The following UNC5D variants were observed in gnomAD, a reference collection of about 807,000 sequenced individuals.
UNC5D encodes the protein netrin receptor UNC5D.
In UNC5D, 39 loss-of-function variants were observed where a neutral mutation model predicts 105.4. The observed-to-expected ratio is 0.37, with a 90% confidence interval of 0.29 to 0.48. The LOEUF is 0.48. Ranked by LOEUF, UNC5D falls within the 20% of genes least tolerant of loss-of-function variation. The probability of loss-of-function intolerance (pLI) is 0.98; values close to 1 mark genes in which losing one functional copy is unlikely to be tolerated. For synonymous variants in UNC5D, 452 were observed against 450.4 expected, an observed-to-expected ratio of 1.00 and a Z score of -0.04; for missense variants, 991 against 1,202.4, an observed-to-expected ratio of 0.82 and a Z score of 2.60.
chr8:35,577,758 A>G (rs1186756800), intron 3 of UNC5D, among the ~76,000 whole-genome samples: 1 of 152,210 alleles, frequency 6.6e-6, no homozygotes, highest in Non-Finnish European at 1.5e-5. Context: ...ATACTTATTA[A>G]TTACAAAGGG....
In UNC5D at chr8:35,784,152, T is replaced by A. The variant is rs147881217; in HGVS notation, c.2658-6207T>A. 1.5e-3 allele frequency among the ~76,000 whole-genome samples: 230 copies of A among 152,238 alleles called. 2 individuals carry two copies. The East Asian group carries it at 0.037, about 25-fold the overall frequency. Reference sequence around the variant, plus strand: ...AAGCCAAGGGATGGTGATAGAGAAGTCTCTGAAAGATAAAATTAATCATGG... The same window carrying A: ...AAGCCAAGGGATGGTGATAGAGAAGACTCTGAAAGATAAAATTAATCATGG... On this transcript the variant is annotated intron_variant, in intron 16 of 16. Transcript: ENST00000404895.
intron 4 of UNC5D, among the ~76,000 whole-genome samples, chr8:35,675,214 C>T (rs1825127982): frequency 6.6e-6 from 1 of 152,156 alleles, no homozygotes; most frequent in South Asian, 2.1e-4. Flanking sequence ...ATGCTCAGCT[C>T]TGGGAACTAA....
intron 1 of UNC5D, among the ~76,000 whole-genome samples, chr8:35,415,089 T>C (rs1398859286): frequency 6.6e-6 from 1 of 152,152 alleles, no homozygotes; most frequent in Non-Finnish European, 1.5e-5. Context: ...TACATAACTA[T>C]ATAAAAACAA....
chr8:35,277,767 T>A (rs1805871357), intron 1 of UNC5D, among the ~76,000 whole-genome samples: 1 of 152,212 alleles, frequency 6.6e-6, no homozygotes. Context: ...AGTACTTCCA[T>A]CTCTTGTTGT....
intron 3 of UNC5D, among the ~76,000 whole-genome samples, chr8:35,578,746 G>A (rs553711401): frequency 4.9e-4 from 74 of 152,226 alleles, no homozygotes; most frequent in Non-Finnish European, 8.8e-4. Context: ...AGAATAACTC[G>A]TATGTAATTG....
intron 4 of UNC5D, among the ~76,000 whole-genome samples, chr8:35,682,961 G>C (rs1269148068): frequency 2.0e-5 from 3 of 152,154 alleles, no homozygotes; most frequent in Non-Finnish European, 4.4e-5. Flanking sequence ...TAACGTAAAT[G>C]ATCACCAAAG....
At chr8:35,406,104 G>C (rs367658222) in intron 1 of UNC5D, among the ~76,000 whole-genome samples, 2 of 152,036 alleles carry the variant, frequency 1.3e-5, no homozygotes, top group Admixed American at 1.3e-4. Flanking sequence ...CATATTTCAG[G>C]CTTGATAGTA....
At chr8:35,627,924 CA>C (rs948566782) in intron 4 of UNC5D, among the ~76,000 whole-genome samples, 7 of 151,988 alleles carry the variant, frequency 4.6e-5, no homozygotes, top group African/African-American at 1.7e-4. Context: ...GAGACTGTCT[CA>C]AAAAAGAAGA....
intron 1 of UNC5D, chr8:35,525,692 C>A (rs1054758237): frequency 1.2e-6 from 2 of 1,605,874 alleles, no homozygotes; most frequent in African/African-American, 2.7e-5. Context: ...CGCCCTGCAG[C>A]CGCTGCTCCT....
intron 1 of UNC5D, among the ~76,000 whole-genome samples, chr8:35,266,356 A>G (rs1804870009): frequency 6.6e-6 from 1 of 152,228 alleles, no homozygotes; most frequent in South Asian, 2.1e-4. Flanking sequence ...TGGACCATAT[A>G]TAGTAAATAC....
intron 1 of UNC5D, among the ~76,000 whole-genome samples, chr8:35,488,887 T>G (rs907609640): frequency 1.3e-5 from 2 of 152,102 alleles, no homozygotes; most frequent in African/African-American, 4.8e-5. Flanking sequence ...CATTTGGAGT[T>G]GATGATGGAA....
chr8:35,316,899 C>A (rs974176830), intron 1 of UNC5D, among the ~76,000 whole-genome samples: 1 of 151,952 alleles, frequency 6.6e-6, no homozygotes, highest in Admixed American at 6.6e-5. Context: ...ATTTAATCGT[C>A]GAAAGCAACC....
chr8:35,299,873 T>G (rs1807794811), intron 1 of UNC5D, among the ~76,000 whole-genome samples: 1 of 152,196 alleles, frequency 6.6e-6, no homozygotes, highest in Non-Finnish European at 1.5e-5. Context: ...GTGAATTGAT[T>G]GCTATTGAAT....
chr8:35,326,264 A>G (rs957066935), intron 1 of UNC5D, among the ~76,000 whole-genome samples: 1 of 152,184 alleles, frequency 6.6e-6, no homozygotes, highest in African/African-American at 2.4e-5. Flanking sequence ...GATCCTGTGA[A>G]TAAGACTGTA....
At chr8:35,534,573 T>C (rs1356005554) in intron 1 of UNC5D, among the ~76,000 whole-genome samples, 1 of 151,524 alleles carries the variant, frequency 6.6e-6, no homozygotes, top group Non-Finnish European at 1.5e-5. Context: ...TGGTTCTACA[T>C]TTACTTCAAG....
intron 1 of UNC5D, among the ~76,000 whole-genome samples, chr8:35,482,226 C>T (rs190831472): frequency 6.6e-6 from 1 of 152,246 alleles, no homozygotes; most frequent in East Asian, 1.9e-4. Flanking sequence ...AAATCGTTCC[C>T]TTATGGATGG....
intron 1 of UNC5D, among the ~76,000 whole-genome samples, chr8:35,412,612 C>T (rs1378794030): frequency 6.6e-6 from 1 of 151,972 alleles, no homozygotes; most frequent in East Asian, 1.9e-4. Context: ...TGTCATCTTC[C>T]CTTTAGAAAT....
chr8:35,393,039 A>C (rs1184003157), intron 1 of UNC5D, among the ~76,000 whole-genome samples: 2 of 151,266 alleles, frequency 1.3e-5, no homozygotes, highest in African/African-American at 4.9e-5. Context: ...TCTTTTCATC[A>C]TATGCTAGTT....
chr8:35,318,403 G>T (rs1377425967), intron 1 of UNC5D, among the ~76,000 whole-genome samples: 1 of 151,938 alleles, frequency 6.6e-6, no homozygotes, highest in Non-Finnish European at 1.5e-5. Flanking sequence ...GAATTCCTAA[G>T]ACACATACAA....
Sources: gnomAD v4.1 joint callset for allele counts (sites outside exome capture counted in the v4.1 genomes callset) on GRCh38, gnomAD v4.1.1 for gene constraint, MANE v1.5 for transcripts, NCBI Gene and HGNC (gene_info 2026-07-23, HGNC 2026-07-21) for gene names.